DNHD1: variants seen among roughly 807,000 people sequenced by gnomAD.
DNHD1 encodes dynein heavy chain domain 1.
DNHD1 carries 383 observed loss-of-function variants against 458.1 expected under a neutral mutation model. The observed-to-expected ratio is 0.84, with a 90% confidence interval of 0.77 to 0.91. DNHD1 has a LOEUF of 0.91. Ranked by LOEUF, DNHD1 falls within the 40% of genes least tolerant of loss-of-function variation. The pLI is 0.00. For synonymous variants in DNHD1, 2,203 were observed against 2,376.9 expected (o/e 0.93, Z 2.13); for missense variants, 5,336 against 5,866.1 (o/e 0.91, Z 2.95).
chr11:6,571,536 C>G lies in DNHD1; in HGVS notation c.13912-100C>G, dbSNP rs926215545. On this transcript the variant is annotated intron_variant, in intron 42 of 42. Transcript: ENST00000254579. This position sits in a 1 kb window ranked among gnomAD's most constrained non-coding sequence, Gnocchi z 5.0. ...CCCCCGGTAACCCTGCTAGCTTCTC[C>G]GATCTCGCTTCACCACGACCTCCTA... 1.8e-5 allele frequency: 26 copies of G among 1,453,654 alleles called. No individual in the cohort carries two copies. In the African/African-American group the frequency reaches 2.7e-4, roughly 15 times the overall value. The allele number at this position is 1,453,654 out of a possible 1,614,324, so 90.0% of individuals were successfully genotyped here.
In DNHD1 at chr11:6,563,240, G is replaced by A. The variant is rs748863342; in HGVS notation, c.9669+109G>A. 4.1e-5 allele frequency: 63 copies of A among 1,525,336 alleles called. 1 individual carries two copies. The South Asian group carries it at 5.1e-4, about 12-fold the overall frequency. 94.5% of individuals were successfully genotyped at this position (1,525,336 alleles called of 1,614,324 possible). A position where few individuals can be genotyped will look rare whatever the true frequency, so the allele number is the denominator to read the frequency against. The stretch of plus-strand genomic sequence containing the variant: ...GAGTGACTCATCATGGAATCTCCTG[G>A]GGGGAGGGGACAAAGGTAATAGGAT... On this transcript the variant is annotated intron_variant, in intron 29 of 42. Coordinates refer to ENST00000254579, the MANE Select transcript of DNHD1 (RefSeq NM_144666.3).
chr11:6,503,010 C>G, intron 4 of DNHD1, 84 bp downstream of exon 4: 8 of 1,473,728 alleles, frequency 5.4e-6, no homozygotes, highest in Non-Finnish European at 7.4e-6. Flanking sequence ...TCTCCACGTG[C>G]GCACCCTTCT....
intron 3 of DNHD1, among the ~76,000 whole-genome samples, chr11:6,499,726 C>T (rs1442923036): frequency 6.6e-6 from 1 of 151,988 alleles, no homozygotes; most frequent in African/African-American, 2.4e-5. Flanking sequence ...TGCCACCATA[C>T]TCAGCTAATT....
chr11:6,516,590 G>A (rs995458271), intron 7 of DNHD1, among the ~76,000 whole-genome samples: 10 of 151,824 alleles, frequency 6.6e-5, no homozygotes, highest in Admixed American at 3.9e-4. Flanking sequence ...TAGCCACCTC[G>A]CCCCACCAGT....
At position 6,548,508 on chromosome 11, in the gene DNHD1, T is replaced by A. The variant is rs1853270482; in HGVS notation, c.7098+106T>A. ...AGGCCCACTTGCTCCCTTTCTTTGA[T>A]ATATTTTCACAATCACAAGAATACA... On this transcript the variant is annotated intron_variant, in intron 23 of 42. Transcript: ENST00000254579. This position sits in a 1 kb window ranked among gnomAD's most constrained non-coding sequence, Gnocchi z 4.4. 1.4e-6 allele frequency: 2 copies of A among 1,456,344 alleles called. No homozygotes were observed. The highest frequency in any genetic ancestry group is 2.9e-5 in the African/African-American group (2 of 69,968). 90.2% of individuals were successfully genotyped at this position (1,456,344 alleles called of 1,614,324 possible).
At chr11:6,515,989 T>C (rs1210750180) in intron 7 of DNHD1, among the ~76,000 whole-genome samples, 1 of 151,982 alleles carries the variant, frequency 6.6e-6, no homozygotes, top group Non-Finnish European at 1.5e-5. Flanking sequence ...GGTTTTACCA[T>C]GTTGTCCAGG....
rs558450182 is a variant in DNHD1 at position 6,528,230 on chromosome 11, CTAT to C, written c.1838-287_1838-285del. Among the ~76,000 whole-genome samples the C allele has an allele frequency of 8.5e-4, 130 of 152,322 alleles. 1 individual carries two copies. The highest frequency in any genetic ancestry group is 3.4e-3 in the Middle Eastern group (1 of 294). On this transcript the variant is annotated intron_variant, in intron 10 of 42. Coordinates refer to ENST00000254579, the MANE Select transcript of DNHD1 (RefSeq NM_144666.3). ...TGAGTGGTTTTGTATTTTAGCTCTC[CTAT>C]TATTCTGCAACCCATTTAATATTCT... is the stretch of plus-strand genomic sequence containing the variant.
intron 6 of DNHD1, among the ~76,000 whole-genome samples, chr11:6,511,072 A>G (rs776808420): frequency 1.3e-5 from 2 of 152,198 alleles, no homozygotes; most frequent in Non-Finnish European, 2.9e-5. Flanking sequence ...CTCAGCTTGT[A>G]TAGCTGAGAA....
In DNHD1 at chr11:6,534,066, C is replaced by T. The variant is rs1380242453; in HGVS notation, c.2891C>T (p.Thr964Ile). ...CTCTCCGGTCCCTTTATGGACCCCA[C>T]ACAAGATCAGAGGAGTACTGAGCAC... Reference protein sequence around the residue: ...KALSGPFMDPTQDQRSTEHQL... With the variant: ...KALSGPFMDPIQDQRSTEHQL... Residue 964 changes from threonine to isoleucine, a missense_variant, in exon 14 of 43, where the codon ACA becomes ATA. Thr to Ile is a moderately conservative substitution (Grantham distance 89, BLOSUM62 -1). Coordinates refer to ENST00000254579, the MANE Select transcript of DNHD1 (RefSeq NM_144666.3). 1 of 1,551,558 alleles carries T rather than the reference C, an allele frequency of 6.4e-7. No homozygotes were observed. The highest frequency in any genetic ancestry group is 8.7e-7 in the Non-Finnish European group (1 of 1,146,960).
chr11:6,559,557 A>C (rs1350766593), intron 28 of DNHD1, among the ~76,000 whole-genome samples: 1 of 152,224 alleles, frequency 6.6e-6, no homozygotes, highest in Non-Finnish European at 1.5e-5. Flanking sequence ...GAAGTTCAGT[A>C]TGCTGCCAAG....
chr11:6,534,373 G>A (rs1012718816), intron 14 of DNHD1, 200 bp downstream of exon 14: 3 of 614,164 alleles, frequency 4.9e-6, no homozygotes, highest in African/African-American at 1.8e-5. Context: ...TGTGCTTAGG[G>A]TGGGGGTATG....
chr11:6,528,541 C>G lies in DNHD1; in HGVS notation c.1857C>G (p.Asp619Glu), dbSNP rs1362585046. The stretch of plus-strand genomic sequence containing the variant: ...CACTAGAAGAAGATGAAGAGGAGGA[C>G]TCAAAAGACGAATTTCTGATGCCCA... ...LYSEEEDEEE[D>E]SKDEFLMPKF... is the part of the protein sequence containing the mutation. Residue 619 changes from aspartate to glutamate, a missense_variant, in exon 11 of 43, where the codon GAC (aspartate) becomes GAG (glutamate). Physicochemically the swap from Asp to Glu is conservative, Grantham distance 45. This residue lies in a region of DNHD1 where 3,932 missense variants were observed against 4,365.6 expected (regional missense o/e 0.90). Transcript: ENST00000254579. 1 of 1,550,556 alleles carries G rather than the reference C, an allele frequency of 6.4e-7. No individual in the cohort carries two copies. The highest frequency in any genetic ancestry group is 8.7e-7 in the Non-Finnish European group (1 of 1,146,032).
intron 24 of DNHD1, 85 bp from the exon 25 acceptor site, chr11:6,556,598 C>G: frequency 7.6e-7 from 1 of 1,319,786 alleles, no homozygotes; most frequent in Non-Finnish European, 1.0e-6. Context: ...CCTTTAGAAC[C>G]GTGTGTGGCA....
intron 7 of DNHD1, among the ~76,000 whole-genome samples, chr11:6,518,686 T>C (rs1327329070): frequency 6.6e-6 from 1 of 152,156 alleles, no homozygotes; most frequent in African/African-American, 2.4e-5. Context: ...GACTAAGGGT[T>C]ATGAAGTGGG....
Position 6,563,860 on chromosome 11 carries a change from T to C in DNHD1, c.10020T>C (p.His3340=). The part of the protein sequence containing the change: ...LWAVLHYGLA[H]CRGLPTDLLL... ...CTGTTCTGCACTATGGGCTGGCGCA[T>C]TGCCGGGGACTGCCCACGGACCTGC... The change falls in exon 31 of 43, where the codon CAT becomes CAC. Residue 3340 remains histidine (H), a synonymous_variant. Coordinates refer to ENST00000254579, the MANE Select transcript of DNHD1 (RefSeq NM_144666.3). 6.4e-7 allele frequency: 1 copy of C among 1,551,676 alleles called. No homozygotes were observed. Among genetic ancestry groups the C allele is most frequent in the Non-Finnish European group, 8.7e-7 (1 of 1,146,990 alleles).
chr11:6,556,998 T>C lies in DNHD1; in HGVS notation c.7703T>C (p.Val2568Ala), dbSNP rs1222000428. The C allele has an allele frequency of 2.6e-6, 4 of 1,551,656 alleles. No homozygotes were observed. Among genetic ancestry groups the C allele is most frequent in the South Asian group, 1.2e-5 (1 of 84,060 alleles). The stretch of plus-strand genomic sequence containing the variant: ...GCACGAGGTCTGGTTAGGGCCTCAG[T>C]AGAGGCCTGGGAGGCTGTGTGCAAT... ...ALARGLVRAS[V>A]EAWEAVCNCF... Residue 2568 changes from valine (V) to alanine (A), a missense_variant, in exon 25 of 43, where the codon GTA becomes GCA. Val to Ala is a moderately conservative substitution (Grantham distance 64). Around this residue, in one of 4 missense-constraint regions of DNHD1, gnomAD observed 3,932 missense variants for 4,365.6 expected, o/e 0.90. Coordinates refer to ENST00000254579, the MANE Select transcript of DNHD1 (RefSeq NM_144666.3).
chr11:6,567,719 A>G lies in DNHD1; in HGVS notation c.12210A>G (p.Glu4070=), dbSNP rs749160057. 1 of 1,613,860 alleles carries G rather than the reference A, an allele frequency of 6.2e-7. No individual in the cohort carries two copies. The highest frequency in any genetic ancestry group is 8.5e-7 in the Non-Finnish European group (1 of 1,179,874). The change falls in exon 36 of 43, where the codon GAA becomes GAG. Residue 4070 remains glutamate (E), a synonymous_variant. Coordinates refer to ENST00000254579, the MANE Select transcript of DNHD1 (RefSeq NM_144666.3). ...TTSLLGRPLD[E]NTYAPTMPFK... is the part of the protein sequence containing the mutation. Reference sequence around the variant, plus strand: ...GCCTCCTGGGTCGGCCCCTGGATGAAAACACGTATGCTCCCACCATGCCCT... The same window carrying G: ...GCCTCCTGGGTCGGCCCCTGGATGAGAACACGTATGCTCCCACCATGCCCT...
chr11:6,539,856 C>A lies in DNHD1; in HGVS notation c.3421-20C>A. 1 of 1,551,242 alleles carries A rather than the reference C, an allele frequency of 6.4e-7. No individual in the cohort carries two copies. The highest frequency in any genetic ancestry group is 8.7e-7 in the Non-Finnish European group (1 of 1,146,562). ...CGAAGCAGTTACCCAGTCCTGGTTC[C>A]TGAGACCCAGCTGTTCCAGGTCTGG... On this transcript the variant is annotated intron_variant, in intron 17 of 42. Coordinates refer to ENST00000254579, the MANE Select transcript of DNHD1 (RefSeq NM_144666.3).
intron 4 of DNHD1, among the ~76,000 whole-genome samples, chr11:6,507,270 C>T (rs143386450): frequency 6.6e-6 from 1 of 152,274 alleles, no homozygotes; most frequent in East Asian, 1.9e-4. Flanking sequence ...GCTGTATCCT[C>T]AGTGGCTTAC....
Sources: gnomAD v4.1 joint callset for allele counts (sites outside exome capture counted in the v4.1 genomes callset) on GRCh38, gnomAD v4.1.1 for gene constraint, gnomAD v4.1.1 regional missense constraint, Gnocchi (gnomAD v3.1) non-coding constraint, MANE v1.5 for transcripts, NCBI Gene and HGNC (gene_info 2026-07-23, HGNC 2026-07-21) for gene names.